Variants in ERICH3 observed in about 807,000 individuals in gnomAD.
The protein encoded by ERICH3 is glutamate rich 3, also known as glutamate-rich protein 3.
Under a neutral mutation model 131.1 loss-of-function variants are expected in ERICH3, and 126 were observed. That is an observed-to-expected ratio of 0.96 (90% CI 0.83 to 1.11). ERICH3 has a LOEUF of 1.11. Among genes scored for constraint, ERICH3 ranks in the 50% most tolerant of loss-of-function variants. The probability of loss-of-function intolerance (pLI) is 0.00; values close to 1 mark genes in which losing one functional copy is unlikely to be tolerated. For missense variants in ERICH3, 2,050 were observed against 1,810.7 expected (o/e 1.13, Z -2.40); for synonymous variants, 695 against 644.6 (o/e 1.08, Z -1.18).
intron 13 of ERICH3, among the ~76,000 whole-genome samples, chr1:74,575,634 T>G (rs1477209239): frequency 6.6e-6 from 1 of 152,224 alleles, no homozygotes; most frequent in Non-Finnish European, 1.5e-5. Context: ...TGCATGAAAG[T>G]ATACTAAAAA....
At position 74,577,109 on chromosome 1, in the gene ERICH3, T is replaced by A. The variant is rs192035099; in HGVS notation, c.2177-173A>T. 230 of 557,510 alleles carry A rather than the reference T, an allele frequency of 4.1e-4. 1 individual carries two copies. The African/African-American group carries it at 4.2e-3, about 10-fold the overall frequency. 34.5% of individuals were successfully genotyped at this position (557,510 alleles called of 1,614,324 possible). ...TCTGAAAATTCCTACCAGTATTGTA[T>A]AATCTAATGTTCTTTTATTTAATCC... On this transcript the variant is annotated intron_variant, in intron 12 of 14. Transcript: ENST00000326665.
intron 13 of ERICH3, among the ~76,000 whole-genome samples, chr1:74,576,053 T>TA (rs1306733877): frequency 2.0e-5 from 3 of 152,074 alleles, no homozygotes; most frequent in Non-Finnish European, 2.9e-5. Flanking sequence ...CTAACCTGGG[T>TA]AAAAAACGCC....
At chr1:74,588,923 G>A (rs946405858) in intron 12 of ERICH3, among the ~76,000 whole-genome samples, 6 of 152,062 alleles carry the variant, frequency 3.9e-5, no homozygotes, top group African/African-American at 1.2e-4. Flanking sequence ...AGAACTCAAA[G>A]GGAAGTTTGG....
intron 5 of ERICH3, 102 bp downstream of exon 5, chr1:74,641,229 G>A (rs957767423): frequency 1.5e-6 from 2 of 1,325,480 alleles, no homozygotes; most frequent in Admixed American, 2.3e-5. Flanking sequence ...AGGACTGGCA[G>A]CATTACGGAG....
chr1:74,581,877 A>G (rs1167880871), intron 12 of ERICH3, among the ~76,000 whole-genome samples: 1 of 152,186 alleles, frequency 6.6e-6, no homozygotes, highest in Non-Finnish European at 1.5e-5. Flanking sequence ...AATAGTTTCC[A>G]ATTCCAATTC....
intron 6 of ERICH3, among the ~76,000 whole-genome samples, chr1:74,633,767 G>A (rs1646363042): frequency 6.6e-6 from 1 of 151,880 alleles, no homozygotes; most frequent in African/African-American, 2.4e-5. Context: ...GTATTCCTAG[G>A]ATAAATTCCT....
At chr1:74,666,116 A>G (rs562973613) in intron 1 of ERICH3, among the ~76,000 whole-genome samples, 2 of 152,302 alleles carry the variant, frequency 1.3e-5, no homozygotes, top group Admixed American at 1.3e-4. Context: ...AGCTCAGAAG[A>G]AAGAGAAGAG....
chr1:74,571,738 T>C lies in ERICH3; in HGVS notation c.3972A>G (p.Gly1324=), dbSNP rs1262836152. ...SEGDGDMEGE[G]NTQKNEGMGG... ...CCATGCCCTCATTCTTTTGTGTGTT[T>C]CCTTCTCCTTCCATGTCCCCGTCCC... Residue 1324 remains glycine, a synonymous_variant, in exon 14 of 15, where the codon GGA becomes GGG. Coordinates refer to ENST00000326665, the MANE Select transcript of ERICH3 (RefSeq NM_001002912.5). 1.2e-6 allele frequency: 2 copies of C among 1,614,172 alleles called. No homozygotes were observed. The highest frequency in any genetic ancestry group is 1.1e-5 in the South Asian group (1 of 91,078).
chr1:74,625,623 C>A (rs1423677447), intron 7 of ERICH3: 1 of 152,128 alleles, frequency 6.6e-6, no homozygotes, highest in Non-Finnish European at 1.5e-5. Context: ...ATATCTGTCT[C>A]TCTTGCTAGA....
chr1:74,672,663 A>T (rs1646752514), intron 1 of ERICH3, among the ~76,000 whole-genome samples: 2 of 152,220 alleles, frequency 1.3e-5, no homozygotes, highest in Admixed American at 1.3e-4. Flanking sequence ...TAATTGCAAG[A>T]TTGACTAGGA....
chr1:74,649,712 A>C (rs1263049154), intron 1 of ERICH3, among the ~76,000 whole-genome samples: 1 of 152,110 alleles, frequency 6.6e-6, no homozygotes, highest in Admixed American at 6.6e-5. Flanking sequence ...CCAGCGTCTC[A>C]TGTCATACCC....
intron 1 of ERICH3, among the ~76,000 whole-genome samples, chr1:74,659,749 C>T (rs1646622533): frequency 6.6e-6 from 1 of 152,152 alleles, no homozygotes; most frequent in Non-Finnish European, 1.5e-5. Flanking sequence ...GTAAATTATA[C>T]TCATACAAGA....
At chr1:74,664,827 A>C (rs1238298621) in intron 1 of ERICH3, among the ~76,000 whole-genome samples, 1 of 152,230 alleles carries the variant, frequency 6.6e-6, no homozygotes, top group Non-Finnish European at 1.5e-5. Flanking sequence ...ATTACTAATC[A>C]GACTTAACAG....
At chr1:74,593,712 C>G (rs1189701001) in intron 11 of ERICH3, among the ~76,000 whole-genome samples, 1 of 152,076 alleles carries the variant, frequency 6.6e-6, no homozygotes, top group African/African-American at 2.4e-5. Flanking sequence ...TAGCACTTTA[C>G]AAACATCTCA....
intron 4 of ERICH3, among the ~76,000 whole-genome samples, chr1:74,641,746 C>T (rs139460819): frequency 3.2e-3 from 492 of 151,976 alleles, no homozygotes; most frequent in African/African-American, 0.011. Flanking sequence ...TTTACTACTG[C>T]GATCAGTAGA....
At chr1:74,617,666 A>T (rs1649032597) in intron 8 of ERICH3, among the ~76,000 whole-genome samples, 1 of 152,244 alleles carries the variant, frequency 6.6e-6, no homozygotes, top group Non-Finnish European at 1.5e-5. Context: ...AAAGCAGATC[A>T]GTGTCTTCCT....
intron 7 of ERICH3, chr1:74,623,960 T>C (rs1021599093): frequency 6.6e-5 from 10 of 152,198 alleles, no homozygotes; most frequent in African/African-American, 1.9e-4. Context: ...TCACATGATA[T>C]TGGAACTATT....
rs747647527 is a variant in ERICH3, at chr1:74,606,751, C to G, written c.1339G>C (p.Glu447Gln). ...YVIPKRNEIKENKTSVSAKFS... is the reference protein window; with the variant it reads ...YVIPKRNEIKQNKTSVSAKFS... ...TTGGCTGAAACAGAGGTTTTGTTCTCCTTGATCTCATTTCTTTTTGGTATC... is the reference window on the plus strand; with the variant it reads ...TTGGCTGAAACAGAGGTTTTGTTCTGCTTGATCTCATTTCTTTTTGGTATC... Residue 447 changes from glutamate to glutamine, a missense_variant, in exon 10 of 15, where the codon GAG (glutamate) becomes CAG (glutamine). By Grantham distance (29) the Glu-to-Gln change is conservative. Transcript: ENST00000326665. 1.2e-6 allele frequency: 2 copies of G among 1,613,288 alleles called. No individual in the cohort carries two copies. Among genetic ancestry groups the G allele is most frequent in the Non-Finnish European group, 1.7e-6 (2 of 1,179,606 alleles).
chr1:74,634,673 G>C (rs750216388), intron 6 of ERICH3: 1 of 714,796 alleles, frequency 1.4e-6, no homozygotes, highest in South Asian at 1.5e-5. Context: ...ACCTTGGCAA[G>C]CATGGAAAGC....
Sources: allele counts gnomAD v4.1 joint callset (sites outside exome capture counted in the v4.1 genomes callset), GRCh38; gene constraint gnomAD v4.1.1; transcripts MANE v1.5; gene names NCBI Gene and HGNC (gene_info 2026-07-23, HGNC 2026-07-21).